CD163L1: variants seen among roughly 807,000 people sequenced by gnomAD.
The protein encoded by CD163L1 is CD163 molecule like 1.
In CD163L1, 124 loss-of-function variants were observed where a neutral mutation model predicts 165.4. The ratio of observed to expected loss-of-function variants is 0.75; its 90% CI spans 0.65 to 0.87. CD163L1 has a LOEUF of 0.87. Ranked by LOEUF, CD163L1 falls within the 40% of genes least tolerant of loss-of-function variation. The pLI is 0.00. For synonymous variants in CD163L1, 585 were observed against 662.2 expected (o/e 0.88, Z 1.79); for missense variants, 1,525 against 1,799.9 (o/e 0.85, Z 2.76).
chr12:7,421,752 T>C (rs1948442023), intron 4 of CD163L1, among the ~76,000 whole-genome samples: 2 of 128,152 alleles, frequency 1.6e-5, no homozygotes, highest in Admixed American at 7.7e-5. Flanking sequence ...TGTGTATATA[T>C]ATATATATAT....
Position 7,368,219 on chromosome 12 carries a change from A to C in CD163L1, c.4073-22T>G. The C allele has an allele frequency of 7.4e-7, 1 of 1,356,996 alleles. No individual in the cohort carries two copies. Among genetic ancestry groups the C allele is most frequent in the Admixed American group, 1.7e-5 (1 of 58,576 alleles). The allele number at this position is 1,356,996 out of a possible 1,614,324, so 84.1% of individuals were successfully genotyped here. A position where few individuals can be genotyped will look rare whatever the true frequency, so the allele number is the denominator to read the frequency against. ...TGACCTGTATAGAAATTAAGCATTGATAAGTATTAAACTAGTAGATATCAA... is the reference window on the plus strand; with the variant it reads ...TGACCTGTATAGAAATTAAGCATTGCTAAGTATTAAACTAGTAGATATCAA... On this transcript the variant is annotated intron_variant, in intron 16 of 19. Transcript: ENST00000313599. This position sits in a 1 kb window ranked among gnomAD's most constrained non-coding sequence, Gnocchi z 4.3.
chr12:7,368,333 C>T lies in CD163L1; in HGVS notation c.4073-136G>A, dbSNP rs1284170020. On this transcript the variant is annotated intron_variant, in intron 16 of 19. Coordinates refer to ENST00000313599, the MANE Select transcript of CD163L1 (RefSeq NM_174941.6). This position sits in a 1 kb window ranked among gnomAD's most constrained non-coding sequence, Gnocchi z 4.3. The stretch of plus-strand genomic sequence containing the variant: ...CATTTCAACATATTCATGAACAGTA[C>T]GTAATCTTTGAGAGCTATTTTAGAT... The T allele has an allele frequency of 4.5e-5, 23 of 507,568 alleles. No individual in the cohort carries two copies. The highest frequency in any genetic ancestry group is 2.0e-4 in the South Asian group (6 of 29,648). The allele number at this position is 507,568 out of a possible 1,614,324, so 31.4% of individuals were successfully genotyped here.
intron 4 of CD163L1, among the ~76,000 whole-genome samples, chr12:7,427,705 A>G (rs989489605): frequency 6.6e-6 from 1 of 152,078 alleles, no homozygotes; most frequent in African/African-American, 2.4e-5. Flanking sequence ...AGATAGCAAG[A>G]ATTTGACAAT....
chr12:7,348,407 C>T (rs562471749), intron 4 of CD163L1, among the ~76,000 whole-genome samples: 1 of 152,166 alleles, frequency 6.6e-6, no homozygotes, highest in Non-Finnish European at 1.5e-5. Context: ...CCACTTATGA[C>T]CCTATTAATA....
intron 2 of CD163L1, chr12:7,439,999 C>G (rs184309117): frequency 6.6e-7 from 1 of 1,520,940 alleles, no homozygotes; most frequent in East Asian, 2.4e-5. Context: ...CCTAGCAGCT[C>G]CGCAAACCGC....
rs774161306 is a variant in CD163L1, at chr12:7,432,307, T to C, written c.766+109A>G. Reference sequence around the variant, plus strand: ...CAATTTCAGGGTAACAAAAATGTGTTATAACCAGAGAAAATTCTTCTCCAG... The same window carrying C: ...CAATTTCAGGGTAACAAAAATGTGTCATAACCAGAGAAAATTCTTCTCCAG... On this transcript the variant is annotated intron_variant, in intron 4 of 19. Coordinates refer to ENST00000313599, the MANE Select transcript of CD163L1 (RefSeq NM_174941.6). The surrounding 1 kb of genome is among the most constrained non-coding windows in gnomAD (Gnocchi z 4.2). The C allele has an allele frequency of 7.7e-5, 64 of 834,960 alleles. No individual in the cohort carries two copies. In the East Asian group the frequency reaches 1.2e-3, roughly 16 times the overall value. 51.7% of individuals were successfully genotyped at this position (834,960 alleles called of 1,614,324 possible). A position where few individuals can be genotyped will look rare whatever the true frequency, so the allele number is the denominator to read the frequency against.
chr12:7,409,229 T>C (rs781142401), intron 4 of CD163L1, among the ~76,000 whole-genome samples: 17 of 152,168 alleles, frequency 1.1e-4, no homozygotes, highest in Non-Finnish European at 2.1e-4. Context: ...TTAAGTGTAT[T>C]CAAAATCTCC....
chr12:7,418,213 A>G (rs1330509656), intron 4 of CD163L1, among the ~76,000 whole-genome samples: 1 of 152,122 alleles, frequency 6.6e-6, no homozygotes, highest in Non-Finnish European at 1.5e-5. Context: ...AGAAAATTGG[A>G]AATCAACCCC....
At chr12:7,332,544 T>C in the CD163L1 span, among the ~76,000 whole-genome samples, 1 of 152,190 alleles carries the variant, frequency 6.6e-6, no homozygotes, top group Non-Finnish European at 1.5e-5. Flanking sequence ...AAAGGTCAGG[T>C]TACCCACAAA....
chr12:7,374,472 G>A lies in CD163L1; in HGVS notation c.3379C>T (p.His1127Tyr), dbSNP rs1163339190. 12 of 1,613,800 alleles carry A rather than the reference G, an allele frequency of 7.4e-6. No individual in the cohort carries two copies. The highest frequency in any genetic ancestry group is 4.0e-5 in the African/African-American group (3 of 74,942). Residue 1127 changes from histidine (H) to tyrosine (Y), a missense_variant, in exon 13 of 20, where the codon CAC becomes TAC. By Grantham distance (83) the His-to-Tyr change is moderately conservative. Coordinates refer to ENST00000313599, the MANE Select transcript of CD163L1 (RefSeq NM_174941.6). The surrounding 1 kb of genome is among the most constrained non-coding windows in gnomAD (Gnocchi z 5.4). ...CAGATGACCCCTGCGTCCTCCTTGT[G>A]CCTGCAGTCGTGCTGCCCCCAGCCG... ...SRGWGQHDCR[H>Y]KEDAGVICSE...
intron 1 of CD163L1, among the ~76,000 whole-genome samples, chr12:7,441,746 G>A (rs1018135463): frequency 4.6e-5 from 7 of 152,200 alleles, no homozygotes; most frequent in African/African-American, 1.7e-4. Flanking sequence ...TCAGTGGCTT[G>A]TGACTGGAAT....
chr12:7,351,739 TC>T (rs1475078462), downstream of CD163L1, among the ~76,000 whole-genome samples: 1 of 152,126 alleles, frequency 6.6e-6, no homozygotes, highest in East Asian at 1.9e-4. Flanking sequence ...AAACCAGGGC[TC>T]CTTGGAAAGG....
downstream of CD163L1, among the ~76,000 whole-genome samples, chr12:7,353,494 G>C (rs769716334): frequency 1.0e-3 from 157 of 152,132 alleles, no homozygotes; most frequent in African/African-American, 3.5e-3. Flanking sequence ...GAAAGACAGG[G>C]ACAAGGAGAA....
At chr12:7,343,741 G>A (rs1946651651), downstream of CD163L1, among the ~76,000 whole-genome samples, 1 of 152,108 alleles carries the variant, frequency 6.6e-6, no homozygotes, top group African/African-American at 2.4e-5. Context: ...TGATACTTGG[G>A]TGGGACAAAT....
Position 7,369,088 on chromosome 12 carries a change from G to C in CD163L1, c.4040-123C>G. The C allele has an allele frequency of 8.8e-7, 1 of 1,135,268 alleles. No homozygotes were observed. The highest frequency in any genetic ancestry group is 1.3e-6 in the Non-Finnish European group (1 of 783,270). The allele number at this position is 1,135,268 out of a possible 1,614,324, so 70.3% of individuals were successfully genotyped here. ...CCTTTTAACATCTCCTGTGAATACT[G>C]GATGTCATTTAAAATATCAGTCAGA... On this transcript the variant is annotated intron_variant, in intron 15 of 19. Coordinates refer to ENST00000313599, the MANE Select transcript of CD163L1 (RefSeq NM_174941.6). The surrounding 1 kb of genome is among the most constrained non-coding windows in gnomAD (Gnocchi z 4.9).
the CD163L1 span, chr12:7,320,788 CA>C: frequency 6.2e-7 from 1 of 1,613,134 alleles, no homozygotes; most frequent in South Asian, 1.1e-5. Flanking sequence ...GATGCTCGTG[CA>C]AAAAGACCTT....
chr12:7,404,010 T>G (rs891781444), intron 5 of CD163L1, 155 bp from the exon 6 acceptor site: 10 of 531,882 alleles, frequency 1.9e-5, no homozygotes, highest in African/African-American at 1.7e-4. Flanking sequence ...GTTTTAAAAT[T>G]TTAAAGATTG....
intron 9 of CD163L1, among the ~76,000 whole-genome samples, chr12:7,377,036 C>T (rs953596852): frequency 6.6e-6 from 1 of 152,190 alleles, no homozygotes; most frequent in African/African-American, 2.4e-5. Context: ...CCCTGAGTGA[C>T]CTTCCCCTGC....
intron 4 of CD163L1, among the ~76,000 whole-genome samples, chr12:7,425,262 G>T (rs778322909): frequency 2.0e-3 from 311 of 152,238 alleles, no homozygotes; most frequent in Non-Finnish European, 3.7e-3. Flanking sequence ...AAATGATGCT[G>T]GGAAAACTGG....
Sources: allele counts gnomAD v4.1 joint callset (sites outside exome capture counted in the v4.1 genomes callset), GRCh38; gene constraint gnomAD v4.1.1; non-coding constraint Gnocchi (gnomAD v3.1); transcripts MANE v1.5; gene names NCBI Gene and HGNC (gene_info 2026-07-23, HGNC 2026-07-21).